TGFBR3: variants seen among roughly 807,000 people sequenced by gnomAD.
TGFBR3 encodes transforming growth factor beta receptor type 3.
Under a neutral mutation model 87.9 loss-of-function variants are expected in TGFBR3, and 46 were observed. That is an observed-to-expected ratio of 0.52 (90% confidence interval 0.41 to 0.67). TGFBR3 has a LOEUF of 0.67. Among genes scored for constraint, TGFBR3 ranks in the 30% least tolerant of loss-of-function variants. The probability of loss-of-function intolerance (pLI) is 0.00; values close to 1 mark genes in which losing one functional copy is unlikely to be tolerated. For missense variants in TGFBR3, 866 were observed against 1,041.9 expected (o/e 0.83, Z 2.32); for synonymous variants, 381 against 391.6 (o/e 0.97, Z 0.32).
chr1:91,874,400 G>T (rs920387280), intron 1 of TGFBR3, among the ~76,000 whole-genome samples: 4 of 152,216 alleles, frequency 2.6e-5, no homozygotes, highest in African/African-American at 9.6e-5. Context: ...CAAGAGGGAA[G>T]TCAACTGGGT....
At position 91,734,743 on chromosome 1, in the gene TGFBR3, A is replaced by C. The variant is rs369338157; in HGVS notation, c.568+33T>G. ...AAAAGAAAACAATTGCCTGTCATAA[A>C]TCAGTCATTAACTGAAGCCACATAA... On this transcript the variant is annotated intron_variant, in intron 5 of 16. Coordinates refer to ENST00000212355, the MANE Select transcript of TGFBR3 (RefSeq NM_003243.5). The C allele has an allele frequency of 4.5e-4, 731 of 1,607,792 alleles. 1 individual carries two copies. The highest frequency in any genetic ancestry group is 5.8e-4 in the Non-Finnish European group (678 of 1,174,280).
intron 4 of TGFBR3, among the ~76,000 whole-genome samples, chr1:91,736,164 T>C (rs1253089381): frequency 6.6e-6 from 1 of 152,030 alleles, no homozygotes; most frequent in Non-Finnish European, 1.5e-5. Flanking sequence ...CATGACCTAC[T>C]AATGTTGCAA....
intron 6 of TGFBR3, among the ~76,000 whole-genome samples, chr1:91,729,193 A>ACACC (rs1672668103): frequency 7.1e-6 from 1 of 141,572 alleles, no homozygotes; most frequent in Non-Finnish European, 1.5e-5. Context: ...ACACACACAC[A>ACACC]CACCAAGCAC....
intron 3 of TGFBR3, among the ~76,000 whole-genome samples, chr1:91,790,513 G>A (rs1675147702): frequency 6.6e-6 from 1 of 152,140 alleles, no homozygotes; most frequent in Non-Finnish European, 1.5e-5. Flanking sequence ...CATTTCAGAG[G>A]TAATCTTCCC....
At chr1:91,714,801 G>A (rs1311379320) in intron 12 of TGFBR3, among the ~76,000 whole-genome samples, 3 of 152,180 alleles carry the variant, frequency 2.0e-5, no homozygotes, top group Admixed American at 1.3e-4. Flanking sequence ...GAGAAAAACA[G>A]CCATCTTGGC....
At chr1:91,789,386 G>A (rs1675102520) in intron 3 of TGFBR3, among the ~76,000 whole-genome samples, 1 of 152,188 alleles carries the variant, frequency 6.6e-6, no homozygotes, top group East Asian at 1.9e-4. Flanking sequence ...TGTCCAGCCA[G>A]CATAGAACAT....
At chr1:91,892,483 G>A (rs781695365) in intron 2 of TGFBR3, among the ~76,000 whole-genome samples, 9 of 152,146 alleles carry the variant, frequency 5.9e-5, no homozygotes, top group Admixed American at 1.3e-4. Flanking sequence ...AGGGGCACCC[G>A]GAACATATAT....
intron 1 of TGFBR3, among the ~76,000 whole-genome samples, chr1:91,869,767 G>A (rs557031329): frequency 5.3e-4 from 80 of 152,330 alleles, no homozygotes; most frequent in Non-Finnish European, 1.0e-3. Context: ...CAAAGGAAAA[G>A]GAGGCAGGAG....
At chr1:91,832,602 T>C (rs148927376) in intron 2 of TGFBR3, among the ~76,000 whole-genome samples, 2,411 of 152,260 alleles carry the variant, frequency 0.016, 38 homozygotes, top group Middle Eastern at 0.024. Flanking sequence ...AATTATTGAA[T>C]CAAGTGATTA....
At chr1:91,840,240 T>C (rs922527697) in intron 2 of TGFBR3, among the ~76,000 whole-genome samples, 17 of 151,370 alleles carry the variant, frequency 1.1e-4, no homozygotes, top group Admixed American at 3.9e-4. Context: ...GAGAATCACT[T>C]GAGCCTGGGA....
chr1:91,793,927 C>G (rs1675282967), intron 3 of TGFBR3, among the ~76,000 whole-genome samples: 2 of 151,708 alleles, frequency 1.3e-5, no homozygotes, highest in African/African-American at 4.8e-5. Flanking sequence ...CATGACATAT[C>G]TACAAAAACC....
Position 91,712,448 on chromosome 1 carries a change from G to A in TGFBR3, c.1961C>T (p.Thr654Ile), listed in dbSNP as rs1672016923. The A allele has an allele frequency of 3.1e-6, 5 of 1,613,724 alleles. No individual in the cohort carries two copies. In the South Asian group the frequency reaches 4.4e-5, roughly 14 times the overall value. ...YSNPDRMSHY[T>I]IIENICPKDE... ...TTTAGGACAAATATTCTCAATAATGGTGTAATGAGACATCCTATCAGGGTT... is the reference window on the plus strand; with the variant it reads ...TTTAGGACAAATATTCTCAATAATGATGTAATGAGACATCCTATCAGGGTT... Residue 654 changes from threonine to isoleucine, a missense_variant, in exon 13 of 17, where the codon ACC becomes ATC. Coordinates refer to ENST00000212355, the MANE Select transcript of TGFBR3 (RefSeq NM_003243.5).
At chr1:91,852,516 T>C (rs571469144) in intron 2 of TGFBR3, among the ~76,000 whole-genome samples, 6 of 152,200 alleles carry the variant, frequency 3.9e-5, no homozygotes, top group Non-Finnish European at 7.4e-5. Context: ...CTGTGCACAA[T>C]ATCCTCAAAG....
At chr1:91,686,518 T>C (rs1372634076) in intron 16 of TGFBR3, among the ~76,000 whole-genome samples, 2 of 152,220 alleles carry the variant, frequency 1.3e-5, no homozygotes, top group Non-Finnish European at 1.5e-5. Context: ...CAGACCATCC[T>C]TTCCAGTTCT....
At chr1:91,882,532 C>G (rs966417828) in intron 1 of TGFBR3, among the ~76,000 whole-genome samples, 1 of 151,928 alleles carries the variant, frequency 6.6e-6, no homozygotes, top group African/African-American at 2.4e-5. Flanking sequence ...ATCACAAGGT[C>G]AGGAGATCGA....
chr1:91,823,169 G>A (rs1446915645), intron 2 of TGFBR3, among the ~76,000 whole-genome samples: 1 of 151,996 alleles, frequency 6.6e-6, no homozygotes, highest in Admixed American at 6.6e-5. Flanking sequence ...CTCAAAGAAG[G>A]GGAAGATGAG....
At chr1:91,764,836 T>C (rs1358064320) in intron 3 of TGFBR3, among the ~76,000 whole-genome samples, 1 of 152,140 alleles carries the variant, frequency 6.6e-6, no homozygotes, top group Non-Finnish European at 1.5e-5. Context: ...CAGCTCACAA[T>C]GCCATCTCCA....
At chr1:91,805,320 G>A (rs944333713) in intron 2 of TGFBR3, among the ~76,000 whole-genome samples, 1 of 152,126 alleles carries the variant, frequency 6.6e-6, no homozygotes, top group Non-Finnish European at 1.5e-5. Flanking sequence ...CAAAGTGTGA[G>A]CTGAGTTTAA....
chr1:91,831,246 T>G (rs1291298195), intron 2 of TGFBR3, among the ~76,000 whole-genome samples: 1 of 152,118 alleles, frequency 6.6e-6, no homozygotes, highest in African/African-American at 2.4e-5. Flanking sequence ...AACTGCACTA[T>G]AAGGCAGGTC....
Sources: gnomAD v4.1 joint callset for allele counts (sites outside exome capture counted in the v4.1 genomes callset) on GRCh38, gnomAD v4.1.1 for gene constraint, MANE v1.5 for transcripts, NCBI Gene and HGNC (gene_info 2026-07-23, HGNC 2026-07-21) for gene names.